Variants in ASPRV1 observed in about 807,000 individuals in gnomAD.
ASPRV1 encodes aspartic peptidase retroviral like 1, also known as retroviral-like aspartic protease 1.
Under a neutral mutation model 11.0 loss-of-function variants are expected in ASPRV1, and 7 were observed. That is an observed-to-expected ratio of 0.64 (90% CI 0.36 to 1.20). The LOEUF (loss-of-function observed/expected upper bound fraction) is 1.20, where lower values mean the gene tolerates loss of function less well. Ranked by LOEUF, ASPRV1 falls within the 50% of genes most tolerant of loss-of-function variation. ASPRV1 has a pLI of 0.02. For synonymous variants in ASPRV1, 136 were observed against 138.4 expected (o/e 0.98, Z 0.12); for missense variants, 299 against 320.0 (o/e 0.93, Z 0.50).
chr2:70,083,282 CGTT>C, the ASPRV1 span, among the ~76,000 whole-genome samples: 1 of 152,210 alleles, frequency 6.6e-6, no homozygotes, highest in Non-Finnish European at 1.5e-5. Flanking sequence ...GGCTGTGTAA[CGTT>C]GGGCAAGTCA....
At chr2:69,989,489 T>C in the ASPRV1 span, among the ~76,000 whole-genome samples, 1 of 152,264 alleles carries the variant, frequency 6.6e-6, no homozygotes, top group South Asian at 2.1e-4. Flanking sequence ...TGGGGGGCTG[T>C]GGGCCCCAGG....
the ASPRV1 span, among the ~76,000 whole-genome samples, chr2:69,985,697 C>T: frequency 1.3e-5 from 2 of 152,200 alleles, no homozygotes; most frequent in Non-Finnish European, 2.9e-5. Flanking sequence ...ACTTCCTGTG[C>T]AGGTCCAGGA....
chr2:69,961,902 G>T, upstream of ASPRV1: 1 of 487,568 alleles, frequency 2.1e-6, no homozygotes. Context: ...CACGGAGGAT[G>T]TGATGACATT....
chr2:70,066,144 G>C, the ASPRV1 span, among the ~76,000 whole-genome samples: 1 of 152,060 alleles, frequency 6.6e-6, no homozygotes, highest in African/African-American at 2.4e-5. Context: ...GGGAGGCAGA[G>C]GTTGCATGAG....
chr2:70,023,748 C>CT, the ASPRV1 span, among the ~76,000 whole-genome samples: 6 of 150,164 alleles, frequency 4.0e-5, no homozygotes, highest in African/African-American at 1.2e-4. Context: ...ATGTAGATTT[C>CT]TTTTTTAAAA....
chr2:69,991,375 G>T, the ASPRV1 span, among the ~76,000 whole-genome samples: 1 of 152,152 alleles, frequency 6.6e-6, no homozygotes, highest in Non-Finnish European at 1.5e-5. Flanking sequence ...GTATTTGAAC[G>T]AATCATTTTA....
chr2:69,941,040 T>C, the ASPRV1 span: 1 of 152,396 alleles, frequency 6.6e-6, no homozygotes, highest in South Asian at 2.1e-4. Context: ...TGGGAGGGGA[T>C]GGGCAGAGAT....
At chr2:70,024,316 G>C in the ASPRV1 span, among the ~76,000 whole-genome samples, 2 of 152,160 alleles carry the variant, frequency 1.3e-5, no homozygotes, top group African/African-American at 4.8e-5. Flanking sequence ...TCCTCATAAA[G>C]TGCAAACCCG....
chr2:69,998,441 T>C, the ASPRV1 span, among the ~76,000 whole-genome samples: 1 of 152,040 alleles, frequency 6.6e-6, no homozygotes, highest in Non-Finnish European at 1.5e-5. Flanking sequence ...TGCCAGCAAC[T>C]GTGAAGAATT....
At chr2:70,021,679 T>G in the ASPRV1 span, among the ~76,000 whole-genome samples, 1 of 151,256 alleles carries the variant, frequency 6.6e-6, no homozygotes, top group Non-Finnish European at 1.5e-5. Flanking sequence ...CAATACGGTA[T>G]TGTGCACTTT....
At chr2:69,983,604 T>G in the ASPRV1 span, among the ~76,000 whole-genome samples, 1 of 152,038 alleles carries the variant, frequency 6.6e-6, no homozygotes, top group South Asian at 2.1e-4. Flanking sequence ...AAATTAAAAT[T>G]GGTGGAGGAA....
the ASPRV1 span, among the ~76,000 whole-genome samples, chr2:70,065,940 G>GCTC: frequency 6.6e-6 from 1 of 151,998 alleles, no homozygotes; most frequent in Non-Finnish European, 1.5e-5. Context: ...GGGTGCAGTG[G>GCTC]CTCACGCCTG....
the ASPRV1 span, among the ~76,000 whole-genome samples, chr2:70,072,251 C>T: frequency 6.6e-6 from 1 of 151,812 alleles, no homozygotes; most frequent in African/African-American, 2.4e-5. Flanking sequence ...TGCACCCAGC[C>T]TCTACAGAAA....
the ASPRV1 span, among the ~76,000 whole-genome samples, chr2:70,043,270 T>C: frequency 3.3e-5 from 5 of 151,934 alleles, no homozygotes; most frequent in Admixed American, 2.6e-4. Flanking sequence ...ATACAAAAAT[T>C]AGCTGGGCGT....
the ASPRV1 span, among the ~76,000 whole-genome samples, chr2:69,935,978 G>A: frequency 6.6e-6 from 1 of 152,030 alleles, no homozygotes; most frequent in Non-Finnish European, 1.5e-5. Flanking sequence ...TGCCTTGCCT[G>A]GTCCTCACTT....
chr2:69,977,422 AC>A, the ASPRV1 span, among the ~76,000 whole-genome samples: 1 of 152,090 alleles, frequency 6.6e-6, no homozygotes, highest in Non-Finnish European at 1.5e-5. Context: ...TGCTTCCCCC[AC>A]CATTCTGTAA....
chr2:70,041,976 C>CA, the ASPRV1 span, among the ~76,000 whole-genome samples: 1 of 152,082 alleles, frequency 6.6e-6, no homozygotes, highest in Non-Finnish European at 1.5e-5. Context: ...GTAATAGTAA[C>CA]ATTATCTTCA....
chr2:69,978,855 G>A, the ASPRV1 span, among the ~76,000 whole-genome samples: 1 of 152,128 alleles, frequency 6.6e-6, no homozygotes, highest in African/African-American at 2.4e-5. Flanking sequence ...GAGGCCACAC[G>A]GCAGGTCTGT....
chr2:70,050,246 C>T, the ASPRV1 span: 1 of 151,806 alleles, frequency 6.6e-6, no homozygotes, highest in Non-Finnish European at 1.5e-5. Context: ...TGCCATTGCA[C>T]TCCAGCCTGA....
Sources: gnomAD v4.1 joint callset for allele counts (sites outside exome capture counted in the v4.1 genomes callset) on GRCh38, gnomAD v4.1.1 for gene constraint, MANE v1.5 for transcripts, NCBI Gene and HGNC (gene_info 2026-07-23, HGNC 2026-07-21) for gene names.